Variants in CORO2B observed in about 807,000 individuals in gnomAD.
CORO2B encodes coronin-2B.
Under a neutral mutation model 58.8 loss-of-function variants are expected in CORO2B, and 26 were observed. That is an observed-to-expected ratio of 0.44 (90% CI 0.32 to 0.61). The LOEUF (loss-of-function observed/expected upper bound fraction) is 0.61. CORO2B is among the 20% of genes least tolerant of loss of function. CORO2B has a pLI of 0.04. For missense variants in CORO2B, 460 were observed against 645.1 expected, an observed-to-expected ratio of 0.71 and a Z score of 3.11; for synonymous variants, 242 against 253.8, an observed-to-expected ratio of 0.95 and a Z score of 0.44.
In CORO2B at chr15:68,701,478, A is replaced by ATTTTTTTTT. The variant is rs71145193; in HGVS notation, c.333+6239_333+6247dup. 7.9e-3 allele frequency among the ~76,000 whole-genome samples: 308 copies of ATTTTTTTTT among 38,846 alleles called. 50 individuals are homozygous for ATTTTTTTTT. Among genetic ancestry groups the ATTTTTTTTT allele is most frequent in the Middle Eastern group, 0.018 (1 of 56 alleles). The allele number at this position is 38,846 out of a possible 152,430, so 25.5% of individuals were successfully genotyped here. ...AGGCGCCTGCAACCACGCCCGGCTA[A>ATTTTTTTTT]TTTTTTTTTTTTTTTTTTTTTTTTT... On this transcript the variant is annotated intron_variant, in intron 3 of 11. Coordinates refer to ENST00000261861, the MANE Select transcript of CORO2B (RefSeq NM_006091.5).
intron 2 of CORO2B, among the ~76,000 whole-genome samples, chr15:68,648,050 A>G (rs1901508687): frequency 1.6e-5 from 2 of 124,230 alleles, no homozygotes; most frequent in African/African-American, 3.6e-5. Context: ...AAAAAAAAAG[A>G]GTCTGGGCAT....
rs536527555 is a variant in CORO2B, at chr15:68,673,692, C to T, written c.217-21448C>T. On this transcript the variant is annotated intron_variant, in intron 2 of 11. Coordinates refer to ENST00000261861, the MANE Select transcript of CORO2B (RefSeq NM_006091.5). The stretch of plus-strand genomic sequence containing the variant: ...TTTCTACTAAAAATACAAAAATTAG[C>T]CAGGCGTGGTGGCATGCGCCTGTAA... Among the ~76,000 whole-genome samples the T allele has an allele frequency of 3.9e-5, 6 of 152,020 alleles. No homozygotes were observed. The East Asian group carries it at 9.7e-4, about 25-fold the overall frequency.
At chr15:68,625,740 G>A (rs780456389) in intron 1 of CORO2B, among the ~76,000 whole-genome samples, 2 of 151,874 alleles carry the variant, frequency 1.3e-5, no homozygotes, top group African/African-American at 4.8e-5. Context: ...AAGTAGCTAG[G>A]ACTACAGGTG....
chr15:68,608,146 C>T (rs1014433573), intron 1 of CORO2B, among the ~76,000 whole-genome samples: 1 of 152,242 alleles, frequency 6.6e-6, no homozygotes, highest in African/African-American at 2.4e-5. Flanking sequence ...GCAAGGTTTC[C>T]TTCCCTTGCA....
At chr15:68,565,809 T>G in the CORO2B span, among the ~76,000 whole-genome samples, 1 of 152,162 alleles carries the variant, frequency 6.6e-6, no homozygotes, top group Non-Finnish European at 1.5e-5. Context: ...AATACCTGCT[T>G]GGGCTTTGCT....
intron 2 of CORO2B, among the ~76,000 whole-genome samples, chr15:68,665,182 T>C (rs890742959): frequency 6.6e-6 from 1 of 152,124 alleles, no homozygotes; most frequent in Admixed American, 6.6e-5. Context: ...ATAGATTAAC[T>C]TTTTTTCCCC....
chr15:68,719,321 C>T (rs770645724), intron 10 of CORO2B, 87 bp downstream of exon 10: 4 of 1,598,446 alleles, frequency 2.5e-6, no homozygotes, highest in Admixed American at 3.3e-5. Flanking sequence ...TGTCTGTCCC[C>T]CTGTTTGAAC....
chr15:68,699,957 G>T (rs1217115384), intron 3 of CORO2B, among the ~76,000 whole-genome samples: 1 of 152,224 alleles, frequency 6.6e-6, no homozygotes, highest in Non-Finnish European at 1.5e-5. Context: ...TCCAACCTGG[G>T]TGCTGGGGGA....
intron 2 of CORO2B, among the ~76,000 whole-genome samples, chr15:68,655,030 GC>G (rs1229632221): frequency 5.9e-5 from 9 of 152,176 alleles, no homozygotes; most frequent in African/African-American, 2.2e-4. Flanking sequence ...CAGGCTGGGT[GC>G]CTGGAGATGG....
intron 2 of CORO2B, among the ~76,000 whole-genome samples, chr15:68,655,754 C>T (rs1159880703): frequency 6.6e-6 from 1 of 152,216 alleles, no homozygotes; most frequent in Non-Finnish European, 1.5e-5. Context: ...TTCCAGTCTG[C>T]AGGAGATCTG....
the CORO2B span, among the ~76,000 whole-genome samples, chr15:68,531,477 C>T: frequency 6.9e-6 from 1 of 144,838 alleles, no homozygotes; most frequent in African/African-American, 2.6e-5. Flanking sequence ...AGCCTGGGCA[C>T]AAGAGGGAAA....
intron 1 of CORO2B, among the ~76,000 whole-genome samples, chr15:68,640,123 A>G (rs1901162774): frequency 6.6e-6 from 1 of 152,094 alleles, no homozygotes; most frequent in South Asian, 2.1e-4. Flanking sequence ...GCTCCTTAGT[A>G]ATGCAGGTCC....
At chr15:68,636,383 G>A (rs1901031780) in intron 1 of CORO2B, among the ~76,000 whole-genome samples, 1 of 152,210 alleles carries the variant, frequency 6.6e-6, no homozygotes, top group Non-Finnish European at 1.5e-5. Flanking sequence ...CAGAGGCCTG[G>A]TATAGAATAG....
At chr15:68,573,784 C>G in the CORO2B span, among the ~76,000 whole-genome samples, 1 of 152,200 alleles carries the variant, frequency 6.6e-6, no homozygotes, top group Admixed American at 6.5e-5. Flanking sequence ...TCTCCAGGAG[C>G]TTGTCAAATA....
intron 2 of CORO2B, among the ~76,000 whole-genome samples, chr15:68,667,148 C>G (rs1371583039): frequency 1.3e-5 from 2 of 152,160 alleles, no homozygotes; most frequent in Non-Finnish European, 2.9e-5. Flanking sequence ...GGATGAAGTC[C>G]TGCCCCACCC....
At chr15:68,683,870 A>G (rs374112454) in intron 2 of CORO2B, among the ~76,000 whole-genome samples, 3 of 152,324 alleles carry the variant, frequency 2.0e-5, no homozygotes, top group East Asian at 3.9e-4. Context: ...GGAGGTGTAT[A>G]ACCATGGGCA....
chr15:68,645,480 A>C lies in CORO2B; in HGVS notation c.216+120A>C. 1.1e-6 allele frequency: 1 copy of C among 911,224 alleles called. No individual in the cohort carries two copies. Among genetic ancestry groups the C allele is most frequent in the Non-Finnish European group, 1.6e-6 (1 of 612,050 alleles). The allele number at this position is 911,224 out of a possible 1,614,324, so 56.4% of individuals were successfully genotyped here. On this transcript the variant is annotated intron_variant, in intron 2 of 11. Transcript: ENST00000261861. The surrounding 1 kb of genome is among the most constrained non-coding windows in gnomAD (Gnocchi z 4.5). ...AGTTCCCACCTTTTACTTCCTCATC[A>C]AGCATCTAGTGGCTATGCCTTCTTT...
intron 2 of CORO2B, among the ~76,000 whole-genome samples, chr15:68,675,151 T>A (rs1181195128): frequency 6.6e-6 from 1 of 152,192 alleles, no homozygotes; most frequent in East Asian, 1.9e-4. Flanking sequence ...CAGAAGGTAA[T>A]CTGAAGAAGG....
chr15:68,719,020 G>A, intron 9 of CORO2B, 124 bp from the exon 10 acceptor site: 1 of 902,474 alleles, frequency 1.1e-6, no homozygotes, highest in Non-Finnish European at 1.8e-6. Context: ...GAGACACAGT[G>A]CAAAGGCATA....
Sources: allele counts gnomAD v4.1 joint callset (sites outside exome capture counted in the v4.1 genomes callset), GRCh38; gene constraint gnomAD v4.1.1; non-coding constraint Gnocchi (gnomAD v3.1); transcripts MANE v1.5; gene names NCBI Gene and HGNC (gene_info 2026-07-23, HGNC 2026-07-21).